The following DPH7 variants were observed in gnomAD, a reference collection of about 807,000 sequenced individuals.
DPH7 encodes diphthamide biosynthesis 7.
Under a neutral mutation model 41.7 loss-of-function variants are expected in DPH7, and 44 were observed. That is an observed-to-expected ratio of 1.05 (90% confidence interval 0.83 to 1.36). The LOEUF (loss-of-function observed/expected upper bound fraction) is 1.36, where lower values mean the gene tolerates loss of function less well. Among genes scored for constraint, DPH7 ranks in the 40% most tolerant of loss-of-function variants. The pLI is 0.00. For missense variants in DPH7, 629 were observed against 577.5 expected, an observed-to-expected ratio of 1.09 and a Z score of -0.91; for synonymous variants, 275 against 238.0, an observed-to-expected ratio of 1.16 and a Z score of -1.43.
intron 2 of DPH7, among the ~76,000 whole-genome samples, chr9:137,576,730 A>T (rs1283374382): frequency 6.6e-6 from 1 of 152,208 alleles, no homozygotes; most frequent in Non-Finnish European, 1.5e-5. Flanking sequence ...TCTACTAAAA[A>T]TACAAAAAAA....
At chr9:137,572,746 C>T (rs1840658256) in intron 5 of DPH7, among the ~76,000 whole-genome samples, 1 of 152,246 alleles carries the variant, frequency 6.6e-6, no homozygotes, top group South Asian at 2.1e-4. Flanking sequence ...ACTCCCACAT[C>T]AGCATGCCCC....
chr9:137,558,933 G>A (rs1034223159), intron 8 of DPH7, among the ~76,000 whole-genome samples: 42 of 152,126 alleles, frequency 2.8e-4, no homozygotes, highest in Admixed American at 3.9e-4. Flanking sequence ...TGGGATTACA[G>A]GCGTGAGACA....
chr9:137,578,214 G>A (rs1367533036), intron 1 of DPH7: 1 of 154,268 alleles, frequency 6.5e-6, no homozygotes, highest in African/African-American at 2.4e-5. Context: ...GCCCAGGCTG[G>A]AATGCAGTGG....
intron 3 of DPH7, 71 bp from the exon 4 acceptor site, chr9:137,574,914 C>T (rs1049299522): frequency 6.3e-7 from 1 of 1,597,974 alleles, no homozygotes; most frequent in East Asian, 2.2e-5. Context: ...TTTTCCTCTC[C>T]TGCAGGGAAG....
intron 1 of DPH7, chr9:137,578,001 T>C: frequency 1.0e-6 from 1 of 985,330 alleles, no homozygotes; most frequent in Non-Finnish European, 1.2e-6. Flanking sequence ...CACACCTGTA[T>C]ATAGAAGACG....
At chr9:137,578,384 T>C in intron 1 of DPH7, 2 of 387,634 alleles carry the variant, frequency 5.2e-6, no homozygotes, top group Non-Finnish European at 9.2e-6. Context: ...GCCAGGATGG[T>C]CTCGATCTCC....
At chr9:137,578,396 G>C in intron 1 of DPH7, 1 of 422,714 alleles carries the variant, frequency 2.4e-6, no homozygotes, top group Non-Finnish European at 4.2e-6. Flanking sequence ...TCGATCTCCT[G>C]ACCTCGTGAT....
At chr9:137,569,755 C>CATCCATCCATCA (rs1840083113) in intron 5 of DPH7, among the ~76,000 whole-genome samples, 1 of 148,228 alleles carries the variant, frequency 6.7e-6, no homozygotes, top group Non-Finnish European at 1.5e-5. Context: ...TCCATCCATC[C>CATCCATCCATCA]AACAATCCAC....
At position 137,556,539 on chromosome 9, in the gene DPH7, C is replaced by T. The variant is rs61379783; in HGVS notation, c.950-891G>A. On this transcript the variant is annotated intron_variant, in intron 8 of 8. Transcript: ENST00000277540. This position sits in a 1 kb window ranked among gnomAD's most constrained non-coding sequence, Gnocchi z 5.2. Reference sequence around the variant, plus strand: ...GACCGCACTGGATTACAAAACGTGCCGAGGTTGTATGGGCCTGGGCCGGGG... The same window carrying T: ...GACCGCACTGGATTACAAAACGTGCTGAGGTTGTATGGGCCTGGGCCGGGG... The T allele has an allele frequency of 2.9e-3, 837 of 290,206 alleles. 9 individuals are homozygous for T. The highest frequency in any genetic ancestry group is 0.017 in the African/African-American group (779 of 44,672). The allele number at this position is 290,206 out of a possible 1,614,324, so 18.0% of individuals were successfully genotyped here.
chr9:137,568,824 G>T (rs1013101497), intron 5 of DPH7, among the ~76,000 whole-genome samples: 11 of 152,106 alleles, frequency 7.2e-5, no homozygotes, highest in Non-Finnish European at 5.9e-5. Context: ...TGTTCACAGG[G>T]GCCGTTACTA....
rs1275154722 is a variant in DPH7 at position 137,564,865 on chromosome 9, A to C, written c.776+28T>G. The C allele has an allele frequency of 1.9e-6, 3 of 1,578,118 alleles. No individual in the cohort carries two copies. In the Admixed American group the frequency reaches 5.5e-5, roughly 29 times the overall value. On this transcript the variant is annotated intron_variant, in intron 7 of 8. Coordinates refer to ENST00000277540, the MANE Select transcript of DPH7 (RefSeq NM_138778.5). ...CCCGGGGACAGCGAAAGAGACGAGA[A>C]GGGCCCGAGAGCCTCCTGGGGACTC...
chr9:137,575,598 A>G, intron 3 of DPH7: 19 of 1,007,566 alleles, frequency 1.9e-5, no homozygotes, highest in Non-Finnish European at 2.3e-5. Flanking sequence ...ACATCACCCC[A>G]CTACGGGACA....
At position 137,556,007 on chromosome 9, in the gene DPH7, C is replaced by A. The variant is rs1837443171; in HGVS notation, c.950-359G>T. On this transcript the variant is annotated intron_variant, in intron 8 of 8. Transcript: ENST00000277540. The surrounding 1 kb of genome is among the most constrained non-coding windows in gnomAD (Gnocchi z 5.2). Reference sequence around the variant, plus strand: ...AGCCAGCTGGGAAGGAAGGGGATGTCTGAGGAACAGGCAGCATGTGTACAG... The same window carrying A: ...AGCCAGCTGGGAAGGAAGGGGATGTATGAGGAACAGGCAGCATGTGTACAG... Among the ~76,000 whole-genome samples the A allele has an allele frequency of 2.0e-5, 3 of 152,134 alleles. No individual in the cohort carries two copies. The South Asian group carries it at 6.2e-4, about 32-fold the overall frequency.
chr9:137,565,083 A>C lies in DPH7; in HGVS notation c.710+2T>G. 4 of 1,613,970 alleles carry C rather than the reference A, an allele frequency of 2.5e-6. No individual in the cohort carries two copies. The highest frequency in any genetic ancestry group is 3.4e-6 in the Non-Finnish European group (4 of 1,180,000). ...ACCGAGTGCTGGCCCTTGGGCAGTT[A>C]CCTTTTGCTGGTGAAGAGAAATTTG... is the stretch of plus-strand genomic sequence containing the variant. On this transcript the variant is annotated splice_donor_variant, in intron 6 of 8. Transcript: ENST00000277540. LOFTEE classifies it high-confidence loss of function.
intron 8 of DPH7, among the ~76,000 whole-genome samples, chr9:137,561,976 T>C (rs182038331): frequency 6.6e-6 from 1 of 152,330 alleles, no homozygotes; most frequent in Admixed American, 6.5e-5. Context: ...GCCATTCTCC[T>C]GCCTCAGCCT....
intron 8 of DPH7, among the ~76,000 whole-genome samples, chr9:137,558,408 A>C (rs1048887727): frequency 2.0e-5 from 3 of 152,184 alleles, no homozygotes; most frequent in Non-Finnish European, 4.4e-5. Context: ...TTAAAAAAAA[A>C]ACTAAAAACT....
At chr9:137,557,976 A>C (rs987849371) in intron 8 of DPH7, among the ~76,000 whole-genome samples, 1 of 152,158 alleles carries the variant, frequency 6.6e-6, no homozygotes, top group African/African-American at 2.4e-5. Context: ...CTCTACTAAA[A>C]AATACAAAAA....
chr9:137,574,879 A>G (rs1237341944), intron 3 of DPH7, 36 bp from the exon 4 acceptor site: 1 of 1,611,936 alleles, frequency 6.2e-7, no homozygotes, highest in Non-Finnish European at 8.5e-7. Flanking sequence ...AAAGGGAAGT[A>G]GCCGCCCCAG....
intron 8 of DPH7, among the ~76,000 whole-genome samples, chr9:137,560,438 T>C (rs1024042387): frequency 2.0e-5 from 3 of 152,152 alleles, no homozygotes; most frequent in African/African-American, 7.2e-5. Flanking sequence ...TGGGAAGAGA[T>C]GGCCAGGCGT....
Sources: gnomAD v4.1 joint callset for allele counts (sites outside exome capture counted in the v4.1 genomes callset) on GRCh38, gnomAD v4.1.1 for gene constraint, Gnocchi (gnomAD v3.1) non-coding constraint, MANE v1.5 for transcripts, NCBI Gene and HGNC (gene_info 2026-07-23, HGNC 2026-07-21) for gene names.